ZNF502: variants seen among roughly 807,000 people sequenced by gnomAD.
The protein encoded by ZNF502 is zinc finger protein 502.
In ZNF502, 29 loss-of-function variants were observed where a neutral mutation model predicts 43.6. The observed-to-expected ratio is 0.67, with a 90% confidence interval of 0.50 to 0.91. The LOEUF (loss-of-function observed/expected upper bound fraction) is 0.91, where lower values mean the gene tolerates loss of function less well. ZNF502 is among the 40% of genes least tolerant of loss of function. The pLI is 0.00. For missense variants in ZNF502, 591 were observed against 647.2 expected, an observed-to-expected ratio of 0.91 and a Z score of 0.94; for synonymous variants, 171 against 207.4, an observed-to-expected ratio of 0.82 and a Z score of 1.51.
chr3:44,722,559 G>A lies in ZNF502; in HGVS notation c.*107G>A, dbSNP rs1704392354. 5.0e-6 allele frequency: 7 copies of A among 1,389,034 alleles called. No homozygotes were observed. Among genetic ancestry groups the A allele is most frequent in the Non-Finnish European group, 5.8e-6 (6 of 1,033,410 alleles). 86.0% of individuals were successfully genotyped at this position (1,389,034 alleles called of 1,614,324 possible). A position where few individuals can be genotyped will look rare whatever the true frequency, so the allele number is the denominator to read the frequency against. ...TGGAGGGAAGGATGAAGGAGCCTTG[G>A]CTACTGTACTCTGAGAGGAATGTTT... On this transcript the variant is annotated 3_prime_UTR_variant, in exon 3 of 3. Coordinates refer to ENST00000436624, the MANE Select transcript of ZNF502 (RefSeq NM_001134442.3).
intron 1 of ZNF502, among the ~76,000 whole-genome samples, chr3:44,713,128 G>A (rs934459950): frequency 2.6e-5 from 4 of 152,226 alleles, no homozygotes; most frequent in African/African-American, 7.2e-5. Flanking sequence ...CTTGTTTAGA[G>A]CCTGTTTTTA....
chr3:44,721,781 C>T lies in ZNF502; in HGVS notation c.964C>T (p.Pro322Ser), dbSNP rs140014648. Reference protein sequence around the residue: ...QHQRIHTGEKPHKCDECGKTF... With the variant: ...QHQRIHTGEKSHKCDECGKTF... ...TCAGAGAATTCACACTGGGGAAAAA[C>T]CCCATAAATGTGACGAATGTGGGAA... The change falls in exon 3 of 3, where the codon CCC becomes TCC. Residue 322 changes from proline (P) to serine (S), a missense_variant. Transcript: ENST00000436624. 3 of 1,613,816 alleles carry T rather than the reference C, an allele frequency of 1.9e-6. No homozygotes were observed. Among genetic ancestry groups the T allele is most frequent in the East Asian group, 2.2e-5 (1 of 44,882 alleles).
In ZNF502 at chr3:44,722,520, G is replaced by T; in HGVS notation, c.*68G>T. 1 of 1,523,810 alleles carries T rather than the reference G, an allele frequency of 6.6e-7. No homozygotes were observed. The highest frequency in any genetic ancestry group is 8.8e-7 in the Non-Finnish European group (1 of 1,141,214). 94.4% of individuals were successfully genotyped at this position (1,523,810 alleles called of 1,614,324 possible). A position where few individuals can be genotyped will look rare whatever the true frequency, so the allele number is the denominator to read the frequency against. ...TACGAATCTGACTGGGAGTAGAGGG[G>T]CAGGTAGAGTTCCTGGAGGGAAGGA... On this transcript the variant is annotated 3_prime_UTR_variant, in exon 3 of 3. Coordinates refer to ENST00000436624, the MANE Select transcript of ZNF502 (RefSeq NM_001134442.3).
Position 44,721,944 on chromosome 3 carries a change from A to G in ZNF502, c.1127A>G (p.Glu376Gly), listed in dbSNP as rs757955942. The change falls in exon 3 of 3, where the codon GAA (glutamate) becomes GGA (glycine). Residue 376 changes from glutamate (E) to glycine (G), a missense_variant. By Grantham distance (98) the Glu-to-Gly change is moderately conservative. Transcript: ENST00000436624. ...AAACACCAGCGAATTCATACTGGAG[A>G]AAAACCATATAAGTGTAAAGAATGT... is the stretch of plus-strand genomic sequence containing the variant. ...LIKHQRIHTGEKPYKCKECGK... is the reference protein window; with the variant it reads ...LIKHQRIHTGGKPYKCKECGK... 2.5e-6 allele frequency: 4 copies of G among 1,614,160 alleles called. No homozygotes were observed. The highest frequency in any genetic ancestry group is 1.7e-5 in the Admixed American group (1 of 60,026).
chr3:44,719,502 T>A (rs1184725070), intron 1 of ZNF502, among the ~76,000 whole-genome samples: 1 of 152,222 alleles, frequency 6.6e-6, no homozygotes, highest in Non-Finnish European at 1.5e-5. Context: ...GAGTGAACAG[T>A]TTTGGTATTG....
rs775643764 is a variant in ZNF502 at position 44,722,251 on chromosome 3, T to TA, written c.1435dup (p.Thr479AsnfsTer2). The stretch of plus-strand genomic sequence containing the variant: ...AAGCCTTTGCTCATAGCTCATCTCT[T>TA]ACTGAACATCATAGAACTCACACTG... On this transcript the variant is annotated frameshift_variant, in exon 3 of 3. Transcript: ENST00000436624. LOFTEE classifies it high-confidence loss of function. 6.2e-7 allele frequency: 1 copy of TA among 1,614,240 alleles called. No homozygotes were observed. The highest frequency in any genetic ancestry group is 1.7e-5 in the Admixed American group (1 of 60,026).
chr3:44,712,703 C>G lies in ZNF502; in HGVS notation c.-97C>G, dbSNP rs1288921840. 5.2e-5 allele frequency: 8 copies of G among 152,418 alleles called. No individual in the cohort carries two copies. Among genetic ancestry groups the G allele is most frequent in the East Asian group, 1.9e-4 (1 of 5,180 alleles). 9.4% of individuals were successfully genotyped at this position (152,418 alleles called of 1,614,324 possible). A position where few individuals can be genotyped will look rare whatever the true frequency, so the allele number is the denominator to read the frequency against. ...CCTGGCCCCAGTCCACCTCTGGGAG[C>G]GCCTGCGCCGCTCCGCGGAGAGTCC... On this transcript the variant is annotated 5_prime_UTR_variant, in exon 1 of 3. Coordinates refer to ENST00000436624, the MANE Select transcript of ZNF502 (RefSeq NM_001134442.3).
At chr3:44,713,239 C>T (rs1459593436) in intron 1 of ZNF502, among the ~76,000 whole-genome samples, 1 of 152,190 alleles carries the variant, frequency 6.6e-6, no homozygotes. Context: ...GTCTAGAAGT[C>T]TGTTCCTTGC....
chr3:44,720,014 G>T (rs541175921), intron 1 of ZNF502, among the ~76,000 whole-genome samples, 189 bp from the exon 2 acceptor site: 8 of 152,186 alleles, frequency 5.3e-5, no homozygotes, highest in Non-Finnish European at 1.2e-4. Context: ...TGAACAGCTG[G>T]CAAATGGGGT....
chr3:44,720,537 T>G (rs935667565), intron 2 of ZNF502, among the ~76,000 whole-genome samples: 6 of 152,214 alleles, frequency 3.9e-5, no homozygotes. Context: ...TCTCCCACTC[T>G]CCACTCTGGA....
intron 1 of ZNF502, among the ~76,000 whole-genome samples, chr3:44,713,191 G>T (rs1355929703): frequency 1.3e-5 from 2 of 152,184 alleles, no homozygotes; most frequent in African/African-American, 4.8e-5. Flanking sequence ...TGAGACCTGA[G>T]TTACAATTCT....
rs762104056 is a variant in ZNF502 at position 44,722,033 on chromosome 3, C to G, written c.1216C>G (p.Pro406Ala). ...KHQRIHTGER[P>A]YKCSECGKAF... ...TCAGAGAATACATACAGGGGAGAGA[C>G]CCTACAAATGCAGTGAATGTGGTAA... is the stretch of plus-strand genomic sequence containing the variant. The change falls in exon 3 of 3, where the codon CCC becomes GCC. Residue 406 changes from proline to alanine, a missense_variant. Physicochemically the swap from Pro to Ala is conservative, Grantham distance 27. Coordinates refer to ENST00000436624, the MANE Select transcript of ZNF502 (RefSeq NM_001134442.3). 1 of 1,614,166 alleles carries G rather than the reference C, an allele frequency of 6.2e-7. No homozygotes were observed. Among genetic ancestry groups the G allele is most frequent in the Non-Finnish European group, 8.5e-7 (1 of 1,180,014 alleles).
At chr3:44,720,528 C>T (rs533274310) in intron 2 of ZNF502, among the ~76,000 whole-genome samples, 36 of 152,308 alleles carry the variant, frequency 2.4e-4, no homozygotes, top group African/African-American at 8.7e-4. Flanking sequence ...TGTTTACATT[C>T]TCCCACTCTC....
intron 1 of ZNF502, among the ~76,000 whole-genome samples, chr3:44,719,188 G>C (rs1575540752): frequency 6.6e-6 from 1 of 152,108 alleles, no homozygotes; most frequent in African/African-American, 2.4e-5. Context: ...GGCCAGGCTG[G>C]TCTCAAACTC....
chr3:44,715,002 T>C (rs928182635), intron 1 of ZNF502, among the ~76,000 whole-genome samples: 1 of 152,202 alleles, frequency 6.6e-6, no homozygotes, highest in African/African-American at 2.4e-5. Flanking sequence ...TGTTTCTGGG[T>C]TTTTAAAAAG....
chr3:44,720,758 A>T (rs995939064), intron 2 of ZNF502, 115 bp from the exon 3 acceptor site: 8 of 1,174,970 alleles, frequency 6.8e-6, no homozygotes, highest in South Asian at 1.5e-5. Context: ...ACTTGCTGTT[A>T]CTGGCCCTTC....
In ZNF502 at chr3:44,721,589, C is replaced by T. The variant is rs748858957; in HGVS notation, c.772C>T (p.Gln258Ter). The T allele has an allele frequency of 6.2e-6, 10 of 1,613,710 alleles. No individual in the cohort carries two copies. The highest frequency in any genetic ancestry group is 8.5e-6 in the Non-Finnish European group (10 of 1,179,746). Reference sequence around the variant, plus strand: ...CAATCACTCACATCTCACTGAACACCAGAGAATTCACACTGGAGAGAAACC... The same window carrying T: ...CAATCACTCACATCTCACTGAACACTAGAGAATTCACACTGGAGAGAAACC... ...FRNHSHLTEHQRIHTGEKPYK... is the reference protein window; with the variant it reads ...FRNHSHLTEH Residue 258 changes from glutamine (Q) to a stop codon, truncating the protein, a stop_gained, in exon 3 of 3, where the codon CAG (glutamine) becomes TAG (stop). Transcript: ENST00000436624. LOFTEE classifies it high-confidence loss of function.
chr3:44,714,803 C>T, intron 1 of ZNF502: 1 of 152,198 alleles, frequency 6.6e-6, no homozygotes, highest in East Asian at 1.9e-4. Context: ...CACAGATTAT[C>T]AGAGCTGGAA....
intron 2 of ZNF502, 29 bp from the exon 3 acceptor site, chr3:44,720,844 G>T (rs768894897): frequency 1.9e-6 from 3 of 1,589,862 alleles, no homozygotes; most frequent in South Asian, 1.2e-5. Context: ...CCCTGTACAG[G>T]AGATATTCAT....
Sources: gnomAD v4.1 joint callset for allele counts (sites outside exome capture counted in the v4.1 genomes callset) on GRCh38, gnomAD v4.1.1 for gene constraint, MANE v1.5 for transcripts, NCBI Gene and HGNC (gene_info 2026-07-23, HGNC 2026-07-21) for gene names.